The following CNTN4 variants were observed in gnomAD, a reference collection of about 807,000 sequenced individuals.
CNTN4 encodes contactin 4.
In CNTN4, 77 loss-of-function variants were observed where a neutral mutation model predicts 122.5. The observed-to-expected ratio is 0.63, with a 90% CI of 0.52 to 0.76. The LOEUF is 0.76. Among genes scored for constraint, CNTN4 ranks in the 30% least tolerant of loss-of-function variants. CNTN4 has a pLI of 0.00. For synonymous variants in CNTN4, 512 were observed against 447.0 expected (o/e 1.15, Z -1.83); for missense variants, 1,256 against 1,259.1 (o/e 1.00, Z 0.04).
At chr3:2,354,769 G>A (rs2044797546) in intron 3 of CNTN4, among the ~76,000 whole-genome samples, 1 of 152,076 alleles carries the variant, frequency 6.6e-6, no homozygotes, top group Non-Finnish European at 1.5e-5. Context: ...GCTTACACGG[G>A]TTTCTGTGGC....
chr3:2,674,927 C>G (rs903935896), intron 4 of CNTN4, among the ~76,000 whole-genome samples: 2 of 152,198 alleles, frequency 1.3e-5, no homozygotes, highest in African/African-American at 2.4e-5. Context: ...ATTCTACTCT[C>G]TACTTTCATA....
intron 3 of CNTN4, among the ~76,000 whole-genome samples, chr3:2,424,964 A>C (rs2047763634): frequency 6.6e-6 from 1 of 152,166 alleles, no homozygotes; most frequent in South Asian, 2.1e-4. Context: ...TAGATTCTGG[A>C]TATTACCCAT....
chr3:2,832,357 G>C (rs936295689), intron 7 of CNTN4, among the ~76,000 whole-genome samples: 4 of 152,186 alleles, frequency 2.6e-5, no homozygotes, highest in African/African-American at 9.7e-5. Flanking sequence ...TAGCCTACAG[G>C]TCTGCTAGGG....
At chr3:2,778,057 A>AG (rs1167559370) in intron 6 of CNTN4, among the ~76,000 whole-genome samples, 25 of 150,320 alleles carry the variant, frequency 1.7e-4, no homozygotes, top group African/African-American at 5.9e-4. Flanking sequence ...TACTAAAAAT[A>AG]CAAAAAATTA....
intron 3 of CNTN4, among the ~76,000 whole-genome samples, chr3:2,536,124 T>G (rs183029916): frequency 6.6e-6 from 1 of 152,242 alleles, no homozygotes; most frequent in East Asian, 1.9e-4. Flanking sequence ...GACTCTCCAA[T>G]AGGCAGGGAT....
At chr3:2,234,272 G>C (rs919566798) in intron 2 of CNTN4, among the ~76,000 whole-genome samples, 2 of 150,774 alleles carry the variant, frequency 1.3e-5, no homozygotes, top group Non-Finnish European at 2.9e-5. Flanking sequence ...CAGCTACTTG[G>C]GAGGCTGAGG....
chr3:2,340,709 A>AGAGAGAGAGAGAGAGAGAGAGAGGGGGG lies in CNTN4; in HGVS notation c.-89+1476_-89+1477insGAGAGAGAGAGAGAGAGAGAGAGGGGGG, dbSNP rs1559468175. ...TTTATATATATATATATATATATAT[A>AGAGAGAGAGAGAGAGAGAGAGAGGGGGG]TAGAGAGAGAGAGAGAGAGAGAGAG... On this transcript the variant is annotated intron_variant, in intron 3 of 24. Coordinates refer to ENST00000418658, the MANE Select transcript of CNTN4 (RefSeq NM_175607.3). Among the ~76,000 whole-genome samples, 12 of 101,376 alleles carry AGAGAGAGAGAGAGAGAGAGAGAGGGGGG rather than the reference A, an allele frequency of 1.2e-4. No homozygotes were observed. In the East Asian group the frequency reaches 2.4e-3, roughly 21 times the overall value. 66.5% of individuals were successfully genotyped at this position (101,376 alleles called of 152,430 possible).
intron 12 of CNTN4, among the ~76,000 whole-genome samples, chr3:2,917,109 G>A (rs761091663): frequency 8.8e-5 from 12 of 136,120 alleles, no homozygotes; most frequent in Admixed American, 1.5e-4. Flanking sequence ...AGACCAGCCC[G>A]GCCAACACGG....
intron 6 of CNTN4, among the ~76,000 whole-genome samples, chr3:2,815,142 A>C (rs1349090017): frequency 6.6e-6 from 1 of 152,260 alleles, no homozygotes; most frequent in Non-Finnish European, 1.5e-5. Flanking sequence ...ATTCTAGTAG[A>C]TGACATTGGA....
intron 2 of CNTN4, among the ~76,000 whole-genome samples, chr3:2,146,275 A>T (rs947513113): frequency 7.6e-5 from 11 of 145,616 alleles, no homozygotes; most frequent in Admixed American, 2.1e-4. Flanking sequence ...TGCTGTTAAT[A>T]TTTTTTTTTT....
intron 2 of CNTN4, among the ~76,000 whole-genome samples, chr3:2,321,333 G>A (rs1283750838): frequency 1.3e-5 from 2 of 152,088 alleles, no homozygotes; most frequent in African/African-American, 4.8e-5. Flanking sequence ...GTACCCCCAT[G>A]AAAATTATTT....
At chr3:2,909,393 AG>A (rs1349156841) in intron 12 of CNTN4, among the ~76,000 whole-genome samples, 2 of 151,988 alleles carry the variant, frequency 1.3e-5, no homozygotes, top group African/African-American at 4.8e-5. Flanking sequence ...GCAAACCTAA[AG>A]GTGTTTATAA....
chr3:2,328,392 C>T lies in CNTN4; in HGVS notation c.-144-10786C>T, dbSNP rs374213100. On this transcript the variant is annotated intron_variant, in intron 2 of 24. Transcript: ENST00000418658. ...CCGCCCTCCAGCCTGGGCGACAGAGCGAGACTCCGTCTCAAAAAATAAAAA... is the reference window on the plus strand; with the variant it reads ...CCGCCCTCCAGCCTGGGCGACAGAGTGAGACTCCGTCTCAAAAAATAAAAA... Among the ~76,000 whole-genome samples, 134 of 151,802 alleles carry T rather than the reference C, an allele frequency of 8.8e-4. No individual in the cohort carries two copies. In the East Asian group the frequency reaches 0.01, roughly 12 times the overall value.
In CNTN4 at chr3:2,457,267, A is replaced by G. The variant is rs150689052; in HGVS notation, c.-88-114149A>G. Among the ~76,000 whole-genome samples, 75 of 152,232 alleles carry G rather than the reference A, an allele frequency of 4.9e-4. 2 individuals are homozygous for G. The East Asian group carries it at 0.012, about 24-fold the overall frequency. On this transcript the variant is annotated intron_variant, in intron 3 of 24. Transcript: ENST00000418658. ...CAATATTCCAAAAGTAATTTTTATA[A>G]TTATTACCATCATTGCCATTGTTGA...
chr3:2,697,315 G>A (rs2086096232), intron 4 of CNTN4, among the ~76,000 whole-genome samples: 1 of 152,178 alleles, frequency 6.6e-6, no homozygotes, highest in Non-Finnish European at 1.5e-5. Flanking sequence ...TTTTGCAATA[G>A]CATTTTAATT....
At chr3:2,169,578 T>TG (rs1450871447) in intron 2 of CNTN4, among the ~76,000 whole-genome samples, 27 of 151,944 alleles carry the variant, frequency 1.8e-4, no homozygotes, top group South Asian at 6.2e-4. Context: ...GCTGATTTTT[T>TG]TGTAGAGACG....
At chr3:2,441,766 C>T (rs973792678) in intron 3 of CNTN4, among the ~76,000 whole-genome samples, 36 of 152,068 alleles carry the variant, frequency 2.4e-4, no homozygotes, top group Non-Finnish European at 1.5e-4. Context: ...ACACTGGCAA[C>T]GTGAGGAGGC....
intron 7 of CNTN4, among the ~76,000 whole-genome samples, chr3:2,860,433 C>T (rs1199491528): frequency 6.6e-6 from 1 of 152,120 alleles, no homozygotes; most frequent in African/African-American, 2.4e-5. Flanking sequence ...CCTGGATGGT[C>T]CTGCTCATTG....
intron 4 of CNTN4, among the ~76,000 whole-genome samples, chr3:2,599,708 G>C (rs2080939308): frequency 6.6e-6 from 1 of 152,146 alleles, no homozygotes; most frequent in African/African-American, 2.4e-5. Context: ...TAGCTAAACA[G>C]TCAGAGAAAG....
Sources: allele counts gnomAD v4.1 joint callset (sites outside exome capture counted in the v4.1 genomes callset), GRCh38; gene constraint gnomAD v4.1.1; transcripts MANE v1.5; gene names NCBI Gene and HGNC (gene_info 2026-07-23, HGNC 2026-07-21).